The following R3HCC1L variants were observed in gnomAD, a reference collection of about 807,000 sequenced individuals.
The protein encoded by R3HCC1L is R3H domain and coiled-coil containing 1 like.
Under a neutral mutation model 59.9 loss-of-function variants are expected in R3HCC1L, and 51 were observed. That is an observed-to-expected ratio of 0.85 (90% confidence interval 0.68 to 1.07). The LOEUF is 1.07. R3HCC1L is among the 50% of genes least tolerant of loss of function. R3HCC1L has a pLI of 0.00. For synonymous variants in R3HCC1L, 322 were observed against 315.2 expected (o/e 1.02, Z -0.23); for missense variants, 965 against 933.0 (o/e 1.03, Z -0.45).
chr10:98,147,329 G>T (rs1462074902), intron 1 of R3HCC1L, among the ~76,000 whole-genome samples: 1 of 152,076 alleles, frequency 6.6e-6, no homozygotes, highest in Non-Finnish European at 1.5e-5. Flanking sequence ...TTGCCAGATG[G>T]ATAGTTTGCA....
At chr10:98,224,292 A>G (rs1855410811) in intron 5 of R3HCC1L, among the ~76,000 whole-genome samples, 1 of 152,136 alleles carries the variant, frequency 6.6e-6, no homozygotes, top group Non-Finnish European at 1.5e-5. Flanking sequence ...AATAATTGGC[A>G]TGTGACTTCA....
chr10:98,232,742 A>G (rs889264991), intron 6 of R3HCC1L, among the ~76,000 whole-genome samples: 2 of 152,214 alleles, frequency 1.3e-5, no homozygotes, highest in Admixed American at 6.5e-5. Flanking sequence ...ACTTTTTCTT[A>G]AAGGATAAGT....
At chr10:98,136,017 G>GT (rs780749151) in intron 1 of R3HCC1L, among the ~76,000 whole-genome samples, 11,251 of 134,928 alleles carry the variant, frequency 0.083, 700 homozygotes, top group African/African-American at 0.18. Flanking sequence ...TCTGCAATCA[G>GT]TTTTTTTTTT....
rs752106090 is a variant in R3HCC1L at position 98,209,163 on chromosome 10, C to A, written c.1049C>A (p.Pro350His). 5 of 1,613,824 alleles carry A rather than the reference C, an allele frequency of 3.1e-6. No homozygotes were observed. ...GAGTTACATGTAAAGCACGAACCTC[C>A]TGATACAGCTGTCCTTGCTCATGAA... ...ADELHVKHEP[P>H]DTAVLAHETH... is the part of the protein sequence containing the mutation. Residue 350 changes from proline to histidine, a missense_variant, in exon 5 of 10, where the codon CCT becomes CAT. Coordinates refer to ENST00000298999, the MANE Select transcript of R3HCC1L (RefSeq NM_001351015.2).
intron 4 of R3HCC1L, among the ~76,000 whole-genome samples, chr10:98,178,534 C>T (rs1327758958): frequency 6.6e-6 from 1 of 152,132 alleles, no homozygotes; most frequent in Non-Finnish European, 1.5e-5. Context: ...TTAGGATTGT[C>T]TTGGCAATGC....
At chr10:98,180,980 T>C (rs1182987262) in intron 4 of R3HCC1L, among the ~76,000 whole-genome samples, 1 of 152,224 alleles carries the variant, frequency 6.6e-6, no homozygotes, top group Non-Finnish European at 1.5e-5. Context: ...TACAGCACAC[T>C]GATGGGTCTT....
chr10:98,188,697 A>G (rs1414270466), intron 4 of R3HCC1L, among the ~76,000 whole-genome samples: 1 of 152,110 alleles, frequency 6.6e-6, no homozygotes, highest in Non-Finnish European at 1.5e-5. Flanking sequence ...TTATTTATGT[A>G]TTTTTTCCTA....
intron 1 of R3HCC1L, among the ~76,000 whole-genome samples, chr10:98,137,849 A>G (rs1273622316): frequency 6.6e-6 from 1 of 152,230 alleles, no homozygotes; most frequent in African/African-American, 2.4e-5. Context: ...TGACTAGGAT[A>G]GACGTTTATG....
chr10:98,241,158 A>G (rs539253099), intron 9 of R3HCC1L, among the ~76,000 whole-genome samples: 2 of 152,258 alleles, frequency 1.3e-5, no homozygotes, highest in Admixed American at 1.3e-4. Context: ...TTGATCTACT[A>G]TGTCCGTCAC....
chr10:98,142,290 C>G (rs1034795943), intron 1 of R3HCC1L, among the ~76,000 whole-genome samples: 1 of 152,160 alleles, frequency 6.6e-6, no homozygotes, highest in African/African-American at 2.4e-5. Flanking sequence ...TAAACAAAAT[C>G]AACTCATGAT....
intron 9 of R3HCC1L, among the ~76,000 whole-genome samples, chr10:98,238,054 G>C (rs1384632526): frequency 3.3e-5 from 5 of 152,068 alleles, no homozygotes; most frequent in Non-Finnish European, 7.4e-5. Flanking sequence ...AGGATACTTA[G>C]TCATCTTCAA....
intron 2 of R3HCC1L, among the ~76,000 whole-genome samples, chr10:98,162,659 CGT>C (rs1006113211): frequency 2.0e-5 from 3 of 150,138 alleles, no homozygotes; most frequent in Non-Finnish European, 3.0e-5. Context: ...AACATCTGTT[CGT>C]GTGTGTGTGT....
chr10:98,227,527 G>A (rs4917805), intron 5 of R3HCC1L, among the ~76,000 whole-genome samples: 143,796 of 150,666 alleles, frequency 0.95, 68,907 homozygotes, highest in Non-Finnish European at 1. Context: ...GAGAGAGAGA[G>A]AAAAATATTA....
In R3HCC1L at chr10:98,209,085, C is replaced by G; in HGVS notation, c.971C>G (p.Thr324Ser). 1 of 1,613,994 alleles carries G rather than the reference C, an allele frequency of 6.2e-7. No homozygotes were observed. The highest frequency in any genetic ancestry group is 8.5e-7 in the Non-Finnish European group (1 of 1,179,956). ...HISLSESTND[T>S]VSPVMIRECE... Reference sequence around the variant, plus strand: ...TCTCTGTCAGAGAGCACAAATGACACTGTTAGTCCAGTAATGATTAGAGAA... The same window carrying G: ...TCTCTGTCAGAGAGCACAAATGACAGTGTTAGTCCAGTAATGATTAGAGAA... The change falls in exon 5 of 10, where the codon ACT becomes AGT. Residue 324 changes from threonine to serine, a missense_variant. Transcript: ENST00000298999.
chr10:98,201,183 C>A (rs1373002010), intron 4 of R3HCC1L, among the ~76,000 whole-genome samples: 1 of 152,138 alleles, frequency 6.6e-6, no homozygotes, highest in African/African-American at 2.4e-5. Context: ...GGGGGGTTTA[C>A]TTGTGTGCTT....
At chr10:98,153,482 C>T (rs79155881) in intron 1 of R3HCC1L, among the ~76,000 whole-genome samples, 1 of 152,040 alleles carries the variant, frequency 6.6e-6, no homozygotes, top group East Asian at 1.9e-4. Context: ...TGCGGAAGGC[C>T]GCAGGGTCCT....
chr10:98,151,937 G>GTCTCCC (rs1200963541), intron 1 of R3HCC1L, among the ~76,000 whole-genome samples: 4 of 151,750 alleles, frequency 2.6e-5, no homozygotes, highest in Non-Finnish European at 1.5e-5. Flanking sequence ...TCTCCCCACG[G>GTCTCCC]TCTCCCTCTC....
intron 4 of R3HCC1L, among the ~76,000 whole-genome samples, chr10:98,194,403 A>C (rs934585061): frequency 6.6e-6 from 1 of 152,176 alleles, no homozygotes; most frequent in Non-Finnish European, 1.5e-5. Context: ...GGTTTCTTGC[A>C]TATGACATCA....
At chr10:98,199,113 GACTA>G (rs2135058017) in intron 4 of R3HCC1L, among the ~76,000 whole-genome samples, 1 of 152,074 alleles carries the variant, frequency 6.6e-6, no homozygotes, top group South Asian at 2.1e-4. Flanking sequence ...TCTCAGTTTA[GACTA>G]ACTACACTTC....
Sources: allele counts gnomAD v4.1 joint callset (sites outside exome capture counted in the v4.1 genomes callset), GRCh38; gene constraint gnomAD v4.1.1; transcripts MANE v1.5; gene names NCBI Gene and HGNC (gene_info 2026-07-23, HGNC 2026-07-21).